Variants in CNTN3 observed in about 807,000 individuals in gnomAD.
CNTN3 encodes contactin 3.
In CNTN3, 60 loss-of-function variants were observed where a neutral mutation model predicts 119.1. The ratio of observed to expected loss-of-function variants is 0.50; its 90% CI spans 0.41 to 0.62. The LOEUF is 0.62. CNTN3 is among the 20% of genes least tolerant of loss of function. CNTN3 has a pLI of 0.00. For synonymous variants in CNTN3, 450 were observed against 438.7 expected (o/e 1.03, Z -0.32); for missense variants, 1,101 against 1,242.4 (o/e 0.89, Z 1.71).
chr3:74,338,491 C>T (rs145136160), intron 11 of CNTN3, among the ~76,000 whole-genome samples: 32 of 56,984 alleles, frequency 5.6e-4, no homozygotes, highest in Admixed American at 3.0e-3. Context: ...TGTGTACACA[C>T]GTGCGTGTGT....
chr3:74,543,324 G>A (rs561044688), intron 1 of CNTN3, among the ~76,000 whole-genome samples: 2 of 152,228 alleles, frequency 1.3e-5, no homozygotes, highest in African/African-American at 4.8e-5. Flanking sequence ...AATTTCTGAT[G>A]GGAACAGGTC....
chr3:74,446,743 GC>G (rs1575733228), intron 4 of CNTN3, among the ~76,000 whole-genome samples: 1 of 145,964 alleles, frequency 6.9e-6, no homozygotes, highest in African/African-American at 2.6e-5. Context: ...TACATATGTG[GC>G]CCCACATTAT....
intron 5 of CNTN3, among the ~76,000 whole-genome samples, chr3:74,393,377 T>C (rs763033429): frequency 4.6e-5 from 7 of 152,234 alleles, no homozygotes; most frequent in Middle Eastern, 3.2e-3. Flanking sequence ...GTGTATGTGC[T>C]GCTATCTCAT....
rs144881079 is a variant in CNTN3, at chr3:74,266,614, T to C, written c.2853A>G (p.Gln951=). 1.9e-6 allele frequency: 3 copies of C among 1,613,420 alleles called. No individual in the cohort carries two copies. Among genetic ancestry groups the C allele is most frequent in the Non-Finnish European group, 1.7e-6 (2 of 1,179,508 alleles). The part of the protein sequence containing the change: ...FYRTSSQNNV[Q]VLNTNKTSAE... ...CTGAAGTTTTATTTGTGTTCAGTAC[T>C]TGTACGTTATTTTGACTGCTAGTCC... The change falls in exon 22 of 23, where the codon CAA becomes CAG. Residue 951 remains glutamine, a synonymous_variant. Transcript: ENST00000263665.
chr3:74,292,499 G>T (rs985493584), intron 19 of CNTN3, among the ~76,000 whole-genome samples: 2 of 152,200 alleles, frequency 1.3e-5, no homozygotes, highest in African/African-American at 4.8e-5. Context: ...CCAGGAGGGG[G>T]AGGTTGTGGT....
intron 20 of CNTN3, among the ~76,000 whole-genome samples, chr3:74,274,651 C>T (rs1179510141): frequency 2.0e-5 from 3 of 151,954 alleles, no homozygotes; most frequent in Non-Finnish European, 4.4e-5. Flanking sequence ...AGAATCTGAA[C>T]AACAGCCTTC....
intron 5 of CNTN3, among the ~76,000 whole-genome samples, chr3:74,389,945 C>T (rs1353712514): frequency 2.0e-5 from 3 of 152,170 alleles, no homozygotes; most frequent in African/African-American, 7.2e-5. Context: ...TCCTGAAAGA[C>T]ATAATTAGGA....
intron 4 of CNTN3, among the ~76,000 whole-genome samples, chr3:74,462,991 G>A (rs765523882): frequency 4.1e-4 from 63 of 152,014 alleles, no homozygotes; most frequent in African/African-American, 1.3e-3. Context: ...TGTCATTCCC[G>A]ATAAACTATG....
intron 20 of CNTN3, among the ~76,000 whole-genome samples, chr3:74,269,372 G>T (rs111817136): frequency 0.023 from 3,545 of 152,080 alleles, 54 homozygotes; most frequent in Middle Eastern, 0.048. Flanking sequence ...ACCACCACTG[G>T]TAAGAATGAC....
intron 1 of CNTN3, among the ~76,000 whole-genome samples, chr3:74,573,789 A>C (rs1704371260): frequency 6.6e-6 from 1 of 152,060 alleles, no homozygotes; most frequent in Admixed American, 6.6e-5. Flanking sequence ...AAAGAGGAAA[A>C]TAACAAGTTG....
intron 3 of CNTN3, among the ~76,000 whole-genome samples, chr3:74,494,594 A>T (rs914328615): frequency 1.3e-5 from 2 of 152,104 alleles, no homozygotes; most frequent in Non-Finnish European, 2.9e-5. Flanking sequence ...CTCAGTACAA[A>T]TTTAAGAATA....
intron 1 of CNTN3, among the ~76,000 whole-genome samples, chr3:74,579,398 C>T (rs1029743265): frequency 1.3e-5 from 2 of 151,200 alleles, no homozygotes; most frequent in Non-Finnish European, 3.0e-5. Flanking sequence ...ACAGAAAAGG[C>T]TTGAAAAACA....
At chr3:74,523,053 GCTT>G (rs1417219288) in intron 1 of CNTN3, among the ~76,000 whole-genome samples, 2 of 151,732 alleles carry the variant, frequency 1.3e-5, no homozygotes, top group Admixed American at 1.3e-4. Context: ...GATTTTCCCT[GCTT>G]GGACCAAAGG....
intron 5 of CNTN3, among the ~76,000 whole-genome samples, chr3:74,381,736 T>C (rs926940003): frequency 6.6e-5 from 10 of 152,278 alleles, no homozygotes; most frequent in African/African-American, 2.4e-4. Context: ...TAGAAAAGTC[T>C]TTCAAAGCCT....
chr3:74,460,084 C>A (rs1287396627), intron 4 of CNTN3, among the ~76,000 whole-genome samples: 1 of 151,964 alleles, frequency 6.6e-6, no homozygotes, highest in African/African-American at 2.4e-5. Flanking sequence ...ATGTGTGGGT[C>A]TACTTTCAGA....
At chr3:74,344,886 C>T (rs1703654382) in intron 11 of CNTN3, among the ~76,000 whole-genome samples, 1 of 151,986 alleles carries the variant, frequency 6.6e-6, no homozygotes, top group Non-Finnish European at 1.5e-5. Flanking sequence ...CACACACACA[C>T]ACACACAAAC....
intron 20 of CNTN3, among the ~76,000 whole-genome samples, chr3:74,272,860 A>G (rs372861126): frequency 1.4e-4 from 21 of 152,230 alleles, no homozygotes; most frequent in East Asian, 1.4e-3. Context: ...TTTTCATTCT[A>G]CTTATTATTA....
chr3:74,481,787 GAAT>G (rs1702768908), intron 4 of CNTN3, among the ~76,000 whole-genome samples: 1 of 151,496 alleles, frequency 6.6e-6, no homozygotes, highest in East Asian at 1.9e-4. Flanking sequence ...TGAAAGTGAG[GAAT>G]AATAACATCA....
intron 8 of CNTN3, among the ~76,000 whole-genome samples, chr3:74,366,759 CGTGTGT>C (rs35769290): frequency 1.5e-4 from 12 of 79,080 alleles, no homozygotes; most frequent in African/African-American, 6.6e-4. Context: ...TGTGTGTGTG[CGTGTGT>C]GTGTGTGTGT....
Sources: gnomAD v4.1 joint callset for allele counts (sites outside exome capture counted in the v4.1 genomes callset) on GRCh38, gnomAD v4.1.1 for gene constraint, MANE v1.5 for transcripts, NCBI Gene and HGNC (gene_info 2026-07-23, HGNC 2026-07-21) for gene names.